Variants in VPS13B observed in about 807,000 individuals in gnomAD.
The protein encoded by VPS13B is vacuolar protein sorting 13 homolog B.
VPS13B carries 285 observed loss-of-function variants against 426.4 expected under a neutral mutation model. That is an observed-to-expected ratio of 0.67 (90% CI 0.61 to 0.74). The LOEUF (loss-of-function observed/expected upper bound fraction) is 0.74. Ranked by LOEUF, VPS13B falls within the 30% of genes least tolerant of loss-of-function variation. The probability of loss-of-function intolerance (pLI) is 0.00; values close to 1 mark genes in which losing one functional copy is unlikely to be tolerated. For synonymous variants in VPS13B, 1,676 were observed against 1,676.4 expected (o/e 1.00, Z 0.01); for missense variants, 4,537 against 4,782.6 (o/e 0.95, Z 1.51).
intron 3 of VPS13B, among the ~76,000 whole-genome samples, chr8:99,046,905 T>G (rs918011396): frequency 6.6e-6 from 1 of 152,216 alleles, no homozygotes; most frequent in Non-Finnish European, 1.5e-5. Flanking sequence ...ATTATCTTTT[T>G]GATATATTGT....
chr8:99,326,452 C>CTTTGTTTTTTTT (rs1810268758), intron 19 of VPS13B, among the ~76,000 whole-genome samples: 3 of 32,518 alleles, frequency 9.2e-5, no homozygotes, highest in African/African-American at 3.9e-4. Context: ...CTCTAGGTAG[C>CTTTGTTTTTTTT]TTTTTTTTTT....
intron 7 of VPS13B, among the ~76,000 whole-genome samples, chr8:99,116,084 G>A (rs1397066467): frequency 1.3e-5 from 2 of 152,140 alleles, no homozygotes; most frequent in African/African-American, 2.4e-5. Flanking sequence ...CTGGAGTGCT[G>A]TGGTGCAATC....
In VPS13B at chr8:99,717,295, G is replaced by T. The variant is rs763341700; in HGVS notation, c.6579G>T (p.Trp2193Cys). 3 of 1,613,994 alleles carry T rather than the reference G, an allele frequency of 1.9e-6. No individual in the cohort carries two copies. The highest frequency in any genetic ancestry group is 2.5e-6 in the Non-Finnish European group (3 of 1,179,972). ...CTACTGCCAATCTGGAAGCTAAGTG[G>T]TGTAAACACAGCGGGAATCCAGGCC... is the stretch of plus-strand genomic sequence containing the variant. ...CCATANLEAK[W>C]CKHSGNPGPE... Residue 2193 changes from tryptophan to cysteine, a missense_variant, in exon 37 of 62, where the codon TGG becomes TGT. Trp to Cys is a radical substitution (Grantham distance 215). Coordinates refer to ENST00000357162, the MANE Select transcript of VPS13B (RefSeq NM_152564.5).
At chr8:99,758,545 A>G (rs988630036) in intron 39 of VPS13B, among the ~76,000 whole-genome samples, 4 of 152,214 alleles carry the variant, frequency 2.6e-5, no homozygotes, top group African/African-American at 4.8e-5. Context: ...CTGAGAACAC[A>G]TGGCATGCAA....
At chr8:99,416,610 T>C (rs989012192) in intron 21 of VPS13B, among the ~76,000 whole-genome samples, 1 of 152,192 alleles carries the variant, frequency 6.6e-6, no homozygotes, top group African/African-American at 2.4e-5. Flanking sequence ...GCATAGTATC[T>C]GGGTCAGAGT....
intron 33 of VPS13B, among the ~76,000 whole-genome samples, chr8:99,618,168 T>A (rs1828185140): frequency 6.6e-6 from 1 of 152,126 alleles, no homozygotes; most frequent in Non-Finnish European, 1.5e-5. Flanking sequence ...TTGTGACAAT[T>A]TTCTAGCATG....
At chr8:99,751,580 A>G (rs1165513047) in intron 39 of VPS13B, among the ~76,000 whole-genome samples, 1 of 152,166 alleles carries the variant, frequency 6.6e-6, no homozygotes, top group Non-Finnish European at 1.5e-5. Context: ...CCTAGTTTAC[A>G]CTTATCATGG....
intron 28 of VPS13B, among the ~76,000 whole-genome samples, chr8:99,507,468 T>C (rs898334586): frequency 6.6e-6 from 1 of 152,252 alleles, no homozygotes; most frequent in Non-Finnish European, 1.5e-5. Context: ...ACTTTATCTT[T>C]AATGTACTAT....
chr8:99,408,932 C>A (rs1193740462), intron 21 of VPS13B, among the ~76,000 whole-genome samples: 1 of 152,148 alleles, frequency 6.6e-6, no homozygotes. Flanking sequence ...AAATGATCAA[C>A]TTTTTCAGAT....
intron 17 of VPS13B, among the ~76,000 whole-genome samples, chr8:99,207,775 C>T (rs565391810): frequency 2.0e-5 from 3 of 152,190 alleles, no homozygotes; most frequent in African/African-American, 4.8e-5. Flanking sequence ...ATTCTTTGCT[C>T]ATGTTTATGT....
rs755227174 is a variant in VPS13B at position 99,641,986 on chromosome 8, G to A, written c.5396G>A (p.Arg1799His). 30 of 1,614,022 alleles carry A rather than the reference G, an allele frequency of 1.9e-5. No individual in the cohort carries two copies. The highest frequency in any genetic ancestry group is 1.7e-4 in the Admixed American group (10 of 59,982). ...ASQHRIARPS[R>H]QSSIVKNLNF... Reference sequence around the variant, plus strand: ...CAGCATCGCATTGCCCGTCCCTCACGCCAGTCATCAATTGTAAAAAATCTA... The same window carrying A: ...CAGCATCGCATTGCCCGTCCCTCACACCAGTCATCAATTGTAAAAAATCTA... The change falls in exon 34 of 62, where the codon CGC (arginine) becomes CAC (histidine). Residue 1799 changes from arginine to histidine, a missense_variant. Physicochemically the swap from Arg to His is conservative, Grantham distance 29. Coordinates refer to ENST00000357162, the MANE Select transcript of VPS13B (RefSeq NM_152564.5).
intron 30 of VPS13B, among the ~76,000 whole-genome samples, chr8:99,543,647 G>A (rs1471060585): frequency 2.7e-5 from 4 of 150,232 alleles, no homozygotes; most frequent in Non-Finnish European, 4.5e-5. Context: ...CAAAAAGTGG[G>A]CAAAGGACAT....
chr8:99,397,069 G>T (rs984081110), intron 21 of VPS13B, among the ~76,000 whole-genome samples: 28 of 152,278 alleles, frequency 1.8e-4, no homozygotes, highest in African/African-American at 6.7e-4. Flanking sequence ...AAAGGCTTTA[G>T]ATTATTGTTA....
chr8:99,591,422 A>G (rs145292070), intron 33 of VPS13B, among the ~76,000 whole-genome samples: 1 of 152,064 alleles, frequency 6.6e-6, no homozygotes, highest in African/African-American at 2.4e-5. Flanking sequence ...TTTGCCCGTT[A>G]AATGATGCAG....
intron 17 of VPS13B, among the ~76,000 whole-genome samples, chr8:99,263,383 A>G (rs537979943): frequency 1.3e-5 from 2 of 152,334 alleles, no homozygotes; most frequent in Admixed American, 1.3e-4. Flanking sequence ...TGCTGCTCTA[A>G]CAAATTACCA....
intron 39 of VPS13B, among the ~76,000 whole-genome samples, chr8:99,734,737 A>G (rs901352125): frequency 6.6e-6 from 1 of 152,268 alleles, no homozygotes; most frequent in African/African-American, 2.4e-5. Context: ...TTCAGAGCAC[A>G]TTATAATTAC....
intron 21 of VPS13B, among the ~76,000 whole-genome samples, chr8:99,394,654 A>C (rs530003811): frequency 6.6e-6 from 1 of 152,314 alleles, no homozygotes; most frequent in African/African-American, 2.4e-5. Context: ...AAATGTTATA[A>C]ACCTTAATTT....
chr8:99,341,688 C>G, intron 19 of VPS13B: 1 of 357,322 alleles, frequency 2.8e-6, no homozygotes, highest in South Asian at 2.9e-5. Context: ...GCTTCCGTTC[C>G]AACTATTAAA....
rs75996587 is a variant in VPS13B, at chr8:99,870,863, C to T, written c.11471C>T (p.Pro3824Leu). 8 of 1,614,168 alleles carry T rather than the reference C, an allele frequency of 5.0e-6. No individual in the cohort carries two copies. The highest frequency in any genetic ancestry group is 6.8e-6 in the Non-Finnish European group (8 of 1,180,020). ...AGTGATCTACATGCTGACCAGGCTC[C>T]AAACAGCCATGTCAAATATGTCTGG... is the stretch of plus-strand genomic sequence containing the variant. ...QPSDLHADQA[P>L]NSHVKYVWKM... Residue 3824 changes from proline (P) to leucine (L), a missense_variant, in exon 60 of 62, where the codon CCA (proline) becomes CTA (leucine). Physicochemically the swap from Pro to Leu is moderately conservative, Grantham distance 98. Around this residue, in one of 2 missense-constraint regions of VPS13B, gnomAD observed 4,311 missense variants for 4,474.3 expected, o/e 0.96. Transcript: ENST00000357162.
Sources: gnomAD v4.1 joint callset for allele counts (sites outside exome capture counted in the v4.1 genomes callset) on GRCh38, gnomAD v4.1.1 for gene constraint, gnomAD v4.1.1 regional missense constraint, MANE v1.5 for transcripts, NCBI Gene and HGNC (gene_info 2026-07-23, HGNC 2026-07-21) for gene names.